The following PLPP3 variants were observed in gnomAD, a reference collection of about 807,000 sequenced individuals.
The protein encoded by PLPP3 is phospholipid phosphatase 3.
Under a neutral mutation model 29.6 loss-of-function variants are expected in PLPP3, and 6 were observed. The observed-to-expected ratio is 0.20, with a 90% CI of 0.11 to 0.40. The LOEUF (loss-of-function observed/expected upper bound fraction) is 0.40, where lower values mean the gene tolerates loss of function less well. PLPP3 is among the 10% of genes least tolerant of loss of function. The probability of loss-of-function intolerance (pLI) is 1.00; values close to 1 mark genes in which losing one functional copy is unlikely to be tolerated. For missense variants in PLPP3, 308 were observed against 407.7 expected, an observed-to-expected ratio of 0.76 and a Z score of 2.11; for synonymous variants, 152 against 159.7, an observed-to-expected ratio of 0.95 and a Z score of 0.36.
chr1:56,497,266 C>T (rs1432640843), intron 5 of PLPP3, among the ~76,000 whole-genome samples: 3 of 152,186 alleles, frequency 2.0e-5, no homozygotes, highest in Non-Finnish European at 2.9e-5. Flanking sequence ...TGACAAATCT[C>T]GTATCACTCA....
intron 5 of PLPP3, among the ~76,000 whole-genome samples, chr1:56,509,465 C>A (rs1248289834): frequency 6.6e-6 from 1 of 152,104 alleles, no homozygotes; most frequent in Non-Finnish European, 1.5e-5. Context: ...AGCTCTCTGA[C>A]CCTGGATGAC....
chr1:56,527,132 T>C (rs1272455699), intron 2 of PLPP3, among the ~76,000 whole-genome samples: 1 of 152,224 alleles, frequency 6.6e-6, no homozygotes, highest in Non-Finnish European at 1.5e-5. Context: ...ATTCAGGGAT[T>C]CTTTTCAGCT....
At chr1:56,518,295 G>A (rs1040339707) in intron 4 of PLPP3, among the ~76,000 whole-genome samples, 1 of 152,126 alleles carries the variant, frequency 6.6e-6, no homozygotes, top group African/African-American at 2.4e-5. Context: ...CATACATGCT[G>A]AACAAAACCT....
intron 1 of PLPP3, among the ~76,000 whole-genome samples, chr1:56,568,967 G>A (rs1305117745): frequency 6.6e-6 from 1 of 151,622 alleles, no homozygotes; most frequent in Non-Finnish European, 1.5e-5. Context: ...TCCCACCACA[G>A]TACCCTCGGT....
chr1:56,527,264 C>T (rs537490541), intron 2 of PLPP3, among the ~76,000 whole-genome samples: 1 of 152,252 alleles, frequency 6.6e-6, no homozygotes, highest in Admixed American at 6.5e-5. Context: ...TTTTGCAGTA[C>T]CTCAAATTCC....
intron 1 of PLPP3, among the ~76,000 whole-genome samples, chr1:56,573,617 C>T (rs1646215348): frequency 6.6e-6 from 1 of 152,144 alleles, no homozygotes; most frequent in Admixed American, 6.5e-5. Flanking sequence ...GGAGAAGAGT[C>T]CGAGAATCTG....
intron 5 of PLPP3, among the ~76,000 whole-genome samples, chr1:56,506,062 G>A (rs1645700046): frequency 6.6e-6 from 1 of 152,298 alleles, no homozygotes; most frequent in Non-Finnish European, 1.5e-5. Context: ...CTAGACTTCT[G>A]CAGGGCCAGA....
At chr1:56,559,829 G>A (rs762972745) in intron 1 of PLPP3, among the ~76,000 whole-genome samples, 17 of 152,102 alleles carry the variant, frequency 1.1e-4, no homozygotes, top group Non-Finnish European at 2.2e-4. Context: ...AAATGGGGAT[G>A]AGGAAGGAAG....
At chr1:56,551,456 C>A (rs1240719903) in intron 1 of PLPP3, among the ~76,000 whole-genome samples, 1 of 152,104 alleles carries the variant, frequency 6.6e-6, no homozygotes, top group Non-Finnish European at 1.5e-5. Context: ...GTCCTGCAGT[C>A]TAGAAGGGCT....
At chr1:56,576,319 A>T (rs1341155821) in intron 1 of PLPP3, among the ~76,000 whole-genome samples, 1 of 152,228 alleles carries the variant, frequency 6.6e-6, no homozygotes, top group African/African-American at 2.4e-5. Flanking sequence ...TAAACTATAT[A>T]AAAATTAAAT....
intron 5 of PLPP3, among the ~76,000 whole-genome samples, chr1:56,510,139 C>A (rs1645730501): frequency 6.6e-6 from 1 of 152,116 alleles, no homozygotes; most frequent in Admixed American, 6.5e-5. Context: ...AGGGCAGTGG[C>A]GCCAAGAAGG....
At chr1:56,501,889 T>C (rs925196073) in intron 5 of PLPP3, among the ~76,000 whole-genome samples, 1 of 152,238 alleles carries the variant, frequency 6.6e-6, no homozygotes, top group East Asian at 1.9e-4. Context: ...GAGTTTTCTA[T>C]AGGACAAACA....
At chr1:56,519,699 G>A (rs953170575) in intron 4 of PLPP3, among the ~76,000 whole-genome samples, 1 of 151,996 alleles carries the variant, frequency 6.6e-6, no homozygotes, top group African/African-American at 2.4e-5. Flanking sequence ...TCAGGCCAGG[G>A]CTCAGAGGTA....
At chr1:56,545,801 C>T (rs916376859) in intron 1 of PLPP3, among the ~76,000 whole-genome samples, 1 of 152,298 alleles carries the variant, frequency 6.6e-6, no homozygotes, top group African/African-American at 2.4e-5. Flanking sequence ...GAATAAACAA[C>T]ACGTGGACTG....
intron 4 of PLPP3, among the ~76,000 whole-genome samples, chr1:56,519,456 C>A (rs965728814): frequency 6.6e-6 from 1 of 152,214 alleles, no homozygotes; most frequent in East Asian, 1.9e-4. Flanking sequence ...TCTCCCCATT[C>A]CCACTCCTAG....
chr1:56,562,328 A>C (rs1328917084), intron 1 of PLPP3, among the ~76,000 whole-genome samples: 7 of 152,166 alleles, frequency 4.6e-5, no homozygotes, highest in Admixed American at 4.6e-4. Context: ...TGTGATCGGG[A>C]TTGTAGTAGT....
At chr1:56,508,718 T>C (rs1289045137) in intron 5 of PLPP3, among the ~76,000 whole-genome samples, 1 of 152,108 alleles carries the variant, frequency 6.6e-6, no homozygotes, top group East Asian at 1.9e-4. Flanking sequence ...GACAGCTACA[T>C]TGCACAACCC....
At chr1:56,573,655 A>C (rs1283907693) in intron 1 of PLPP3, among the ~76,000 whole-genome samples, 1 of 152,226 alleles carries the variant, frequency 6.6e-6, no homozygotes, top group Non-Finnish European at 1.5e-5. Flanking sequence ...GCCCCATGTT[A>C]GGTGAGTTTA....
intron 1 of PLPP3, among the ~76,000 whole-genome samples, chr1:56,554,406 A>C (rs1188367418): frequency 1.3e-5 from 2 of 151,930 alleles, no homozygotes; most frequent in African/African-American, 2.4e-5. Flanking sequence ...CCCTGACTCT[A>C]CTAAAAATAC....
Sources: gnomAD v4.1 joint callset for allele counts (sites outside exome capture counted in the v4.1 genomes callset) on GRCh38, gnomAD v4.1.1 for gene constraint, MANE v1.5 for transcripts, NCBI Gene and HGNC (gene_info 2026-07-23, HGNC 2026-07-21) for gene names.